FAM241A: variants seen among roughly 807,000 people sequenced by gnomAD.
FAM241A encodes the protein family with sequence similarity 241 member A, also known as uncharacterized protein FAM241A.
FAM241A carries 7 observed loss-of-function variants against 12.2 expected under a neutral mutation model. The ratio of observed to expected loss-of-function variants is 0.58; its 90% CI spans 0.33 to 1.08. The LOEUF is 1.08. Ranked by LOEUF, FAM241A falls within the 50% of genes least tolerant of loss-of-function variation. The probability of loss-of-function intolerance (pLI) is 0.04; values close to 1 mark genes in which losing one functional copy is unlikely to be tolerated. For missense variants in FAM241A, 161 were observed against 169.7 expected (o/e 0.95, Z 0.29); for synonymous variants, 74 against 68.2 (o/e 1.08, Z -0.42).
chr4:112,168,596 A>T (rs1231174146), intron 1 of FAM241A, among the ~76,000 whole-genome samples: 1 of 152,214 alleles, frequency 6.6e-6, no homozygotes, highest in Non-Finnish European at 1.5e-5. Context: ...TATAGATCTT[A>T]CTAAGAAATT....
chr4:112,163,954 C>G lies in FAM241A; in HGVS notation c.153+18221C>G, dbSNP rs181682360. On this transcript the variant is annotated intron_variant, in intron 1 of 1. Transcript: ENST00000309733. ...CAGCCATAAAAAATGATGAGTTCATCTCCTTTGTAGGGACATGGATGAAGC... is the reference window on the plus strand; with the variant it reads ...CAGCCATAAAAAATGATGAGTTCATGTCCTTTGTAGGGACATGGATGAAGC... Among the ~76,000 whole-genome samples the G allele has an allele frequency of 3.4e-3, 521 of 152,312 alleles. 3 individuals are homozygous for G. Among genetic ancestry groups the G allele is most frequent in the African/African-American group, 0.012 (484 of 41,578 alleles).
chr4:112,174,785 A>G (rs1362806832), intron 1 of FAM241A, among the ~76,000 whole-genome samples: 2 of 152,226 alleles, frequency 1.3e-5, no homozygotes, highest in African/African-American at 4.8e-5. Context: ...CATGCTGTAC[A>G]TAGACCCATC....
intron 1 of FAM241A, among the ~76,000 whole-genome samples, chr4:112,175,869 G>C (rs1454382721): frequency 6.6e-6 from 1 of 152,108 alleles, no homozygotes; most frequent in Non-Finnish European, 1.5e-5. Context: ...GGTAAAGTAT[G>C]GTTTCCCCAA....
At chr4:112,171,875 A>G (rs1723729676) in intron 1 of FAM241A, among the ~76,000 whole-genome samples, 1 of 152,140 alleles carries the variant, frequency 6.6e-6, no homozygotes, top group Non-Finnish European at 1.5e-5. Context: ...CAAAAACAAA[A>G]ACAAAAAAAA....
At chr4:112,150,626 TA>T (rs1174418614) in intron 1 of FAM241A, among the ~76,000 whole-genome samples, 3 of 148,178 alleles carry the variant, frequency 2.0e-5, no homozygotes, top group Non-Finnish European at 4.5e-5. Flanking sequence ...AGATGATCTG[TA>T]AAAAAGAAAA....
At chr4:112,154,345 G>A (rs1207400882) in intron 1 of FAM241A, among the ~76,000 whole-genome samples, 1 of 152,116 alleles carries the variant, frequency 6.6e-6, no homozygotes, top group Non-Finnish European at 1.5e-5. Context: ...TCAGCTCACT[G>A]CAACCTCCAC....
intron 1 of FAM241A, among the ~76,000 whole-genome samples, chr4:112,163,479 C>G (rs1341870614): frequency 6.6e-6 from 1 of 152,132 alleles, no homozygotes; most frequent in Non-Finnish European, 1.5e-5. Flanking sequence ...AATCAAACAA[C>G]CCCATCAAAA....
Position 112,189,370 on chromosome 4 carries a change from C to CAAAAAAA in FAM241A, c.*2451_*2457dup, listed in dbSNP as rs542269288. 8.2e-4 allele frequency: 64 copies of CAAAAAAA among 78,408 alleles called. No homozygotes were observed. The highest frequency in any genetic ancestry group is 3.2e-3 in the African/African-American group (63 of 19,698). 4.9% of individuals were successfully genotyped at this position (78,408 alleles called of 1,614,324 possible). ...TGGGTAACAGAGTGAGACCCCATCT[C>CAAAAAAA]AAAAAAAAAAAAAAAAAAAAAAAAA... On this transcript the variant is annotated 3_prime_UTR_variant, in exon 2 of 2. Coordinates refer to ENST00000309733, the MANE Select transcript of FAM241A (RefSeq NM_152400.3).
intron 1 of FAM241A, among the ~76,000 whole-genome samples, chr4:112,176,357 G>T (rs1031696765): frequency 6.6e-6 from 1 of 152,050 alleles, no homozygotes; most frequent in Non-Finnish European, 1.5e-5. Flanking sequence ...TATTCAAAAA[G>T]GTTTTATCTG....
rs187512955 is a variant in FAM241A at position 112,159,975 on chromosome 4, A to G, written c.153+14242A>G. Among the ~76,000 whole-genome samples the G allele has an allele frequency of 1.7e-3, 258 of 152,368 alleles. 2 individuals carry two copies. The highest frequency in any genetic ancestry group is 0.014 in the Middle Eastern group (4 of 294). ...ATAAAGGGCATCCAGATTGGAAAGG[A>G]AGAATTCAAATTATGCTTGTTTGCA... On this transcript the variant is annotated intron_variant, in intron 1 of 1. Transcript: ENST00000309733.
chr4:112,175,229 A>G (rs1723795610), intron 1 of FAM241A, among the ~76,000 whole-genome samples: 1 of 152,176 alleles, frequency 6.6e-6, no homozygotes, highest in Non-Finnish European at 1.5e-5. Flanking sequence ...AAATTATGTC[A>G]ATGAAACCGT....
intron 1 of FAM241A, among the ~76,000 whole-genome samples, chr4:112,170,760 A>G (rs1036265257): frequency 1.3e-5 from 2 of 152,208 alleles, no homozygotes; most frequent in African/African-American, 2.4e-5. Context: ...GAAACTGGGA[A>G]AAGAGAAACT....
chr4:112,175,622 G>A lies in FAM241A; in HGVS notation c.154-11071G>A, dbSNP rs186136244. Among the ~76,000 whole-genome samples, 133 of 152,188 alleles carry A rather than the reference G, an allele frequency of 8.7e-4. 2 individuals are homozygous for A. Among genetic ancestry groups the A allele is most frequent in the Admixed American group, 4.6e-3 (71 of 15,286 alleles). On this transcript the variant is annotated intron_variant, in intron 1 of 1. Transcript: ENST00000309733. The stretch of plus-strand genomic sequence containing the variant: ...ATCTCTACTAAAAATACGAAAATTA[G>A]CTAGGTGTGGTGGCAGGTGCCTGTA...
chr4:112,156,256 C>T (rs1294471456), intron 1 of FAM241A, among the ~76,000 whole-genome samples: 1 of 152,140 alleles, frequency 6.6e-6, no homozygotes, highest in Non-Finnish European at 1.5e-5. Context: ...TTGCCTGGAA[C>T]TCTTCCCCCA....
In FAM241A at chr4:112,187,752, A is replaced by G. The variant is rs1051810311; in HGVS notation, c.*814A>G. Reference sequence around the variant, plus strand: ...ACAAGTTGCATATTTTTTCCTAGAGAGACATTTTCAGTGTATTTTTTTTTA... The same window carrying G: ...ACAAGTTGCATATTTTTTCCTAGAGGGACATTTTCAGTGTATTTTTTTTTA... On this transcript the variant is annotated 3_prime_UTR_variant, in exon 2 of 2. Transcript: ENST00000309733. 1.1e-4 allele frequency: 17 copies of G among 151,856 alleles called. No homozygotes were observed. Among genetic ancestry groups the G allele is most frequent in the African/African-American group, 3.9e-4 (16 of 40,990 alleles). The allele number at this position is 151,856 out of a possible 1,614,324, so 9.4% of individuals were successfully genotyped here. A position where few individuals can be genotyped will look rare whatever the true frequency, so the allele number is the denominator to read the frequency against.
intron 1 of FAM241A, among the ~76,000 whole-genome samples, chr4:112,184,853 ATTAT>A (rs1288974941): frequency 1.4e-4 from 21 of 152,190 alleles, no homozygotes; most frequent in Admixed American, 1.3e-3. Flanking sequence ...AATATTTTTA[ATTAT>A]TTACTGATCG....
At chr4:112,176,308 C>CA (rs1723819921) in intron 1 of FAM241A, among the ~76,000 whole-genome samples, 1 of 152,012 alleles carries the variant, frequency 6.6e-6, no homozygotes, top group Non-Finnish European at 1.5e-5. Flanking sequence ...TAAATTCTGC[C>CA]AAAAATAGAG....
intron 1 of FAM241A, among the ~76,000 whole-genome samples, chr4:112,163,006 A>AC (rs1377465777): frequency 6.6e-6 from 1 of 152,206 alleles, no homozygotes; most frequent in Non-Finnish European, 1.5e-5. Flanking sequence ...ATAATACCAC[A>AC]CATCTACAAC....
At chr4:112,164,269 T>TA (rs752229697) in intron 1 of FAM241A, among the ~76,000 whole-genome samples, 1 of 147,862 alleles carries the variant, frequency 6.8e-6, no homozygotes, top group Admixed American at 6.8e-5. Flanking sequence ...ATAATTTTTT[T>TA]AAAAAAAGGA....
Sources: allele counts gnomAD v4.1 joint callset (sites outside exome capture counted in the v4.1 genomes callset), GRCh38; gene constraint gnomAD v4.1.1; transcripts MANE v1.5; gene names NCBI Gene and HGNC (gene_info 2026-07-23, HGNC 2026-07-21).